Variants in SOX5 observed in about 807,000 individuals in gnomAD.
SOX5 encodes the protein transcription factor SOX-5.
SOX5 carries 9 observed loss-of-function variants against 92.0 expected under a neutral mutation model. That is an observed-to-expected ratio of 0.10 (90% CI 0.06 to 0.17). SOX5 has a LOEUF of 0.17. SOX5 is among the 10% of genes least tolerant of loss of function. The pLI, the probability that SOX5 is intolerant of heterozygous loss-of-function variation, is 1.00. For synonymous variants in SOX5, 344 were observed against 336.3 expected, an observed-to-expected ratio of 1.02 and a Z score of -0.25; for missense variants, 642 against 944.5, an observed-to-expected ratio of 0.68 and a Z score of 4.20.
At chr12:23,700,865 T>C (rs1159629702) in intron 6 of SOX5, among the ~76,000 whole-genome samples, 1 of 151,900 alleles carries the variant, frequency 6.6e-6, no homozygotes, top group Non-Finnish European at 1.5e-5. Context: ...ATTATATTGA[T>C]AGCTAATAAA....
At chr12:24,558,909 G>A (rs1954070872) in intron 1 of SOX5, among the ~76,000 whole-genome samples, 1 of 152,128 alleles carries the variant, frequency 6.6e-6, no homozygotes, top group Non-Finnish European at 1.5e-5. Flanking sequence ...TCATCAAATT[G>A]AGGCATTTGG....
intron 4 of SOX5, among the ~76,000 whole-genome samples, chr12:24,130,092 GA>G (rs1257885128): frequency 2.0e-5 from 3 of 150,166 alleles, no homozygotes; most frequent in Non-Finnish European, 4.4e-5. Flanking sequence ...GGAGAAGCAA[GA>G]AAAAAAAAGA....
intron 1 of SOX5, among the ~76,000 whole-genome samples, chr12:24,503,910 C>T (rs945730829): frequency 5.3e-5 from 8 of 151,760 alleles, no homozygotes; most frequent in Admixed American, 3.9e-4. Context: ...CACCATGGCA[C>T]GTGTATACAT....
intron 1 of SOX5, among the ~76,000 whole-genome samples, chr12:24,369,249 T>C (rs1956478757): frequency 6.6e-6 from 1 of 152,184 alleles, no homozygotes; most frequent in Admixed American, 6.5e-5. Context: ...AGGAGTGTCT[T>C]TGTTTGGCTG....
chr12:24,214,397 C>T (rs1323368650), intron 3 of SOX5, among the ~76,000 whole-genome samples: 2 of 152,042 alleles, frequency 1.3e-5, no homozygotes, highest in African/African-American at 4.8e-5. Flanking sequence ...ATAAGCTTGT[C>T]ATGAACCCCA....
intron 3 of SOX5, among the ~76,000 whole-genome samples, chr12:23,791,368 C>A (rs1225568560): frequency 1.3e-5 from 2 of 152,152 alleles, no homozygotes; most frequent in Non-Finnish European, 2.9e-5. Flanking sequence ...CAGGTGCAAT[C>A]ATAGCATACT....
At chr12:23,655,303 AG>A (rs1307415553) in intron 7 of SOX5, among the ~76,000 whole-genome samples, 2 of 152,094 alleles carry the variant, frequency 1.3e-5, no homozygotes, top group Non-Finnish European at 2.9e-5. Flanking sequence ...GCATCATTTA[AG>A]GTATTGCACA....
chr12:24,183,281 T>G (rs61909872), intron 4 of SOX5, among the ~76,000 whole-genome samples: 22,670 of 152,246 alleles, frequency 0.15, 2,001 homozygotes, highest in African/African-American at 0.23. Flanking sequence ...CCTGCCATTT[T>G]ACAAACCTCT....
chr12:23,606,019 A>G (rs1416866608), intron 8 of SOX5, among the ~76,000 whole-genome samples: 1 of 152,060 alleles, frequency 6.6e-6, no homozygotes, highest in Non-Finnish European at 1.5e-5. Flanking sequence ...ATAAACATTA[A>G]AAGGATAATT....
intron 1 of SOX5, among the ~76,000 whole-genome samples, chr12:23,932,534 T>C (rs1454273339): frequency 6.6e-6 from 1 of 151,670 alleles, no homozygotes; most frequent in African/African-American, 2.4e-5. Flanking sequence ...TTATATTAGG[T>C]ATGTTAGCCT....
intron 1 of SOX5, among the ~76,000 whole-genome samples, chr12:23,925,265 G>C (rs1013882751): frequency 1.3e-5 from 2 of 152,026 alleles, no homozygotes; most frequent in Admixed American, 1.3e-4. Flanking sequence ...ATAATTCTGT[G>C]TGTGTTACAT....
chr12:24,205,028 G>T (rs1362753037), intron 4 of SOX5, among the ~76,000 whole-genome samples: 2 of 152,172 alleles, frequency 1.3e-5, no homozygotes, highest in African/African-American at 4.8e-5. Flanking sequence ...CAACAGCTCA[G>T]GATGAAACTA....
intron 6 of SOX5, among the ~76,000 whole-genome samples, chr12:23,725,336 G>GGA (rs2093054391): frequency 6.6e-6 from 1 of 152,122 alleles, no homozygotes; most frequent in Non-Finnish European, 1.5e-5. Context: ...CAATCATGGC[G>GGA]GAGATGAAGG....
At chr12:24,171,754 T>C (rs1057427225) in intron 4 of SOX5, among the ~76,000 whole-genome samples, 1 of 151,772 alleles carries the variant, frequency 6.6e-6, no homozygotes, top group Non-Finnish European at 1.5e-5. Flanking sequence ...TCTCAGCACA[T>C]TGGGAGATTG....
At chr12:24,164,057 C>A (rs1433370462) in intron 4 of SOX5, among the ~76,000 whole-genome samples, 1 of 151,980 alleles carries the variant, frequency 6.6e-6, no homozygotes, top group Non-Finnish European at 1.5e-5. Flanking sequence ...TATATTTGCC[C>A]ATGGAACAAA....
intron 3 of SOX5, among the ~76,000 whole-genome samples, chr12:23,780,783 A>T (rs1349135347): frequency 6.6e-6 from 1 of 152,112 alleles, no homozygotes; most frequent in Admixed American, 6.5e-5. Context: ...TATAGAGCCA[A>T]GAAAGTATTT....
intron 11 of SOX5, among the ~76,000 whole-genome samples, chr12:23,558,642 G>A (rs1426506747): frequency 3.3e-5 from 5 of 151,970 alleles, no homozygotes; most frequent in Non-Finnish European, 4.4e-5. Flanking sequence ...CGCTTTTGTC[G>A]CCCAGGCTGG....
intron 9 of SOX5, among the ~76,000 whole-genome samples, chr12:23,577,641 G>GA (rs35996026): frequency 0.35 from 52,195 of 149,442 alleles, 9,216 homozygotes; most frequent in East Asian, 0.42. Flanking sequence ...GTCTGTTTCA[G>GA]AAAAAAAAAA....
intron 3 of SOX5, among the ~76,000 whole-genome samples, chr12:24,267,165 G>C (rs1943130442): frequency 6.6e-6 from 1 of 152,158 alleles, no homozygotes; most frequent in Admixed American, 6.5e-5. Flanking sequence ...GATCAAGGTT[G>C]CAGTGAGCCA....
Sources: allele counts gnomAD v4.1 joint callset (sites outside exome capture counted in the v4.1 genomes callset), GRCh38; gene constraint gnomAD v4.1.1; transcripts MANE v1.5; gene names NCBI Gene and HGNC (gene_info 2026-07-23, HGNC 2026-07-21).